The following CACNG2 variants were observed in gnomAD, a reference collection of about 807,000 sequenced individuals.
CACNG2 encodes calcium voltage-gated channel auxiliary subunit gamma 2.
CACNG2 carries 3 observed loss-of-function variants against 25.9 expected under a neutral mutation model. The ratio of observed to expected loss-of-function variants is 0.12; its 90% CI spans 0.05 to 0.30. The LOEUF is 0.30. CACNG2 is among the 10% of genes least tolerant of loss of function. The pLI is 1.00. For missense variants in CACNG2, 341 were observed against 432.5 expected (o/e 0.79, Z 1.88); for synonymous variants, 167 against 173.3 (o/e 0.96, Z 0.29).
chr22:36,679,491 T>G (rs1212004832), intron 1 of CACNG2, among the ~76,000 whole-genome samples: 1 of 152,196 alleles, frequency 6.6e-6, no homozygotes, highest in Non-Finnish European at 1.5e-5. Flanking sequence ...TGATTTTTAT[T>G]TATCCACTAG....
intron 1 of CACNG2, among the ~76,000 whole-genome samples, chr22:36,669,075 G>A (rs1315930686): frequency 6.6e-6 from 1 of 152,082 alleles, no homozygotes; most frequent in Non-Finnish European, 1.5e-5. Context: ...AGCGATCTGG[G>A]TTTCCTTTAG....
chr22:36,589,884 C>G (rs1212561402), intron 1 of CACNG2, among the ~76,000 whole-genome samples: 3 of 152,214 alleles, frequency 2.0e-5, no homozygotes, highest in Non-Finnish European at 2.9e-5. Flanking sequence ...CAAATTCTCC[C>G]TATTGTTAAA....
intron 1 of CACNG2, among the ~76,000 whole-genome samples, chr22:36,633,892 T>C (rs1399062809): frequency 6.6e-6 from 1 of 152,132 alleles, no homozygotes; most frequent in Non-Finnish European, 1.5e-5. Flanking sequence ...GATCTGTCGC[T>C]CTCACTGCAG....
At position 36,563,622 on chromosome 22, in the gene CACNG2, G is replaced by C. The variant is rs768449224; in HGVS notation, c.*729C>G. Among the ~76,000 whole-genome samples, 1 of 151,972 alleles carries C rather than the reference G, an allele frequency of 6.6e-6. No individual in the cohort carries two copies. The highest frequency in any genetic ancestry group is 1.5e-5 in the Non-Finnish European group (1 of 67,936). On this transcript the variant is annotated 3_prime_UTR_variant, in exon 4 of 4. Coordinates refer to ENST00000300105, the MANE Select transcript of CACNG2 (RefSeq NM_006078.5). ...TAACGGAGAGGAGGGACAAGGGCTC[G>C]GTCACCTGGAGGCCTACGATTGCCC... is the stretch of plus-strand genomic sequence containing the variant.
chr22:36,679,741 T>C (rs1055885726), intron 1 of CACNG2, among the ~76,000 whole-genome samples: 1 of 152,184 alleles, frequency 6.6e-6, no homozygotes, highest in Non-Finnish European at 1.5e-5. Flanking sequence ...CCCTGTTCTC[T>C]TAACTTGGCT....
At chr22:36,581,539 C>T (rs1826968318) in intron 2 of CACNG2, among the ~76,000 whole-genome samples, 1 of 152,216 alleles carries the variant, frequency 6.6e-6, no homozygotes, top group Non-Finnish European at 1.5e-5. Flanking sequence ...TTCTGGCATT[C>T]TCTGTCCTCC....
At chr22:36,594,632 A>C (rs912555784) in intron 1 of CACNG2, among the ~76,000 whole-genome samples, 5 of 152,164 alleles carry the variant, frequency 3.3e-5, no homozygotes, top group Admixed American at 1.3e-4. Flanking sequence ...GAGCTGACAC[A>C]AAGTGGAGAA....
At chr22:36,610,269 TTAGAG>T (rs1352537707) in intron 1 of CACNG2, among the ~76,000 whole-genome samples, 6 of 124,374 alleles carry the variant, frequency 4.8e-5, no homozygotes, top group Non-Finnish European at 1.0e-4. Flanking sequence ...AATCAGCCCC[TTAGAG>T]CGTGATTGGG....
intron 1 of CACNG2, among the ~76,000 whole-genome samples, chr22:36,655,035 A>G (rs748024008): frequency 2.6e-5 from 4 of 151,910 alleles, no homozygotes; most frequent in Non-Finnish European, 5.9e-5. Context: ...AGGGGGGAAA[A>G]CAGAATGCTG....
chr22:36,585,996 C>T, intron 2 of CACNG2, among the ~76,000 whole-genome samples: 1 of 152,276 alleles, frequency 6.6e-6, no homozygotes, highest in East Asian at 1.9e-4. Flanking sequence ...GCAGATAAAG[C>T]ATGACATCAT....
At chr22:36,694,050 C>T (rs977276178) in intron 1 of CACNG2, among the ~76,000 whole-genome samples, 22 of 152,158 alleles carry the variant, frequency 1.4e-4, no homozygotes, top group African/African-American at 5.1e-4. Flanking sequence ...AAGCAAGTTG[C>T]TGGTAAGGCC....
intron 1 of CACNG2, among the ~76,000 whole-genome samples, chr22:36,643,474 GTCTA>G (rs66945856): frequency 0.069 from 10,343 of 149,042 alleles, 404 homozygotes; most frequent in South Asian, 0.095. Context: ...CTATCTGTCT[GTCTA>G]TCTATCTATC....
chr22:36,581,087 T>A (rs2145917580), intron 2 of CACNG2, among the ~76,000 whole-genome samples: 1 of 152,230 alleles, frequency 6.6e-6, no homozygotes, highest in South Asian at 2.1e-4. Flanking sequence ...CGCTCCTTAA[T>A]CTTTGGTTAA....
chr22:36,585,877 T>G (rs1935494749), intron 2 of CACNG2, among the ~76,000 whole-genome samples: 1 of 152,254 alleles, frequency 6.6e-6, no homozygotes, highest in African/African-American at 2.4e-5. Context: ...TTGTTAGGAA[T>G]TGCTACTGAA....
At position 36,690,237 on chromosome 22, in the gene CACNG2, C is replaced by T. The variant is rs192036607; in HGVS notation, c.211+12129G>A. Among the ~76,000 whole-genome samples, 467 of 152,294 alleles carry T rather than the reference C, an allele frequency of 3.1e-3. 5 individuals are homozygous for T. Among genetic ancestry groups the T allele is most frequent in the African/African-American group, 0.011 (444 of 41,560 alleles). ...AGCCATGTAAGCCACGTAAGACACTCGGGAGCAGTGGGGACTCAGGGGGAA... is the reference window on the plus strand; with the variant it reads ...AGCCATGTAAGCCACGTAAGACACTTGGGAGCAGTGGGGACTCAGGGGGAA... On this transcript the variant is annotated intron_variant, in intron 1 of 3. Coordinates refer to ENST00000300105, the MANE Select transcript of CACNG2 (RefSeq NM_006078.5).
intron 1 of CACNG2, among the ~76,000 whole-genome samples, chr22:36,666,709 GA>G (rs904966780): frequency 8.0e-5 from 12 of 150,340 alleles, no homozygotes; most frequent in South Asian, 2.1e-4. Flanking sequence ...AAAAAAAATA[GA>G]AAAAAAAATA....
At chr22:36,586,732 C>T (rs987820683) in intron 2 of CACNG2, among the ~76,000 whole-genome samples, 3 of 145,860 alleles carry the variant, frequency 2.1e-5, no homozygotes, top group African/African-American at 5.1e-5. Context: ...CTGAGAACCT[C>T]GGCTTTGCTG....
At chr22:36,581,249 G>C (rs1935413288) in intron 2 of CACNG2, among the ~76,000 whole-genome samples, 1 of 152,146 alleles carries the variant, frequency 6.6e-6, no homozygotes, top group Non-Finnish European at 1.5e-5. Context: ...TGGAGGCCGG[G>C]GTAGTGATGA....
intron 1 of CACNG2, among the ~76,000 whole-genome samples, chr22:36,631,710 TG>T (rs1603502123): frequency 1.3e-5 from 2 of 151,400 alleles, no homozygotes; most frequent in East Asian, 3.9e-4. Context: ...GCAAACTAGC[TG>T]GAACTGCCCG....
Sources: allele counts gnomAD v4.1 joint callset (sites outside exome capture counted in the v4.1 genomes callset), GRCh38; gene constraint gnomAD v4.1.1; transcripts MANE v1.5; gene names NCBI Gene and HGNC (gene_info 2026-07-23, HGNC 2026-07-21).